The following DPP10 variants were observed in gnomAD, a reference collection of about 807,000 sequenced individuals.
DPP10 encodes the protein inactive dipeptidyl peptidase 10.
DPP10 carries 33 observed loss-of-function variants against 120.9 expected under a neutral mutation model. The observed-to-expected ratio is 0.27, with a 90% CI of 0.21 to 0.37. DPP10 has a LOEUF of 0.37. DPP10 is among the 10% of genes least tolerant of loss of function. DPP10 has a pLI of 1.00. For synonymous variants in DPP10, 337 were observed against 326.1 expected, an observed-to-expected ratio of 1.03 and a Z score of -0.36; for missense variants, 816 against 942.8, an observed-to-expected ratio of 0.87 and a Z score of 1.76.
chr2:115,335,549 A>C (rs1282475062), intron 2 of DPP10, among the ~76,000 whole-genome samples: 2 of 152,032 alleles, frequency 1.3e-5, no homozygotes, highest in African/African-American at 4.8e-5. Context: ...TAAAAAGAAA[A>C]TAAGAATAGA....
At chr2:115,092,036 G>T (rs1709308007) in intron 1 of DPP10, among the ~76,000 whole-genome samples, 3 of 152,152 alleles carry the variant, frequency 2.0e-5, no homozygotes, top group Admixed American at 1.3e-4. Flanking sequence ...AAGGGCTTCA[G>T]TGCATTTTAA....
intron 1 of DPP10, among the ~76,000 whole-genome samples, chr2:114,505,435 G>A (rs1236400562): frequency 6.6e-6 from 1 of 151,628 alleles, no homozygotes; most frequent in Non-Finnish European, 1.5e-5. Context: ...TACAGGGAGA[G>A]CACCTTTCTC....
At chr2:115,095,858 T>C (rs1221898763) in intron 1 of DPP10, among the ~76,000 whole-genome samples, 1 of 152,084 alleles carries the variant, frequency 6.6e-6, no homozygotes, top group African/African-American at 2.4e-5. Flanking sequence ...ACATTTTATA[T>C]GTAGTAGTAT....
chr2:115,719,706 A>C (rs2092596643), intron 7 of DPP10, among the ~76,000 whole-genome samples: 1 of 152,226 alleles, frequency 6.6e-6, no homozygotes, highest in African/African-American at 2.4e-5. Flanking sequence ...AAAAGTCTTT[A>C]TGGTAATATT....
chr2:114,531,031 TGACA>T (rs941696948), intron 1 of DPP10, among the ~76,000 whole-genome samples: 28 of 152,250 alleles, frequency 1.8e-4, no homozygotes, highest in African/African-American at 6.5e-4. Context: ...TTTTGGAAAG[TGACA>T]GACAAAGATG....
chr2:115,734,583 G>C (rs568562908), intron 8 of DPP10, among the ~76,000 whole-genome samples: 3 of 148,172 alleles, frequency 2.0e-5, no homozygotes, highest in Non-Finnish European at 4.4e-5. Flanking sequence ...TTGAACCCTG[G>C]AGGCAGAGGT....
intron 12 of DPP10, among the ~76,000 whole-genome samples, chr2:115,762,841 T>A (rs1006343169): frequency 2.0e-5 from 3 of 152,174 alleles, no homozygotes; most frequent in African/African-American, 7.2e-5. Flanking sequence ...GCTGCCAGGA[T>A]CACTTTTTAA....
intron 21 of DPP10, among the ~76,000 whole-genome samples, chr2:115,818,484 G>A (rs17045094): frequency 0.013 from 1,962 of 152,214 alleles, 45 homozygotes; most frequent in African/African-American, 0.042. Context: ...AACATTCATG[G>A]AAATTTAGAG....
chr2:115,200,834 G>A (rs953206247), intron 1 of DPP10, among the ~76,000 whole-genome samples: 3 of 152,230 alleles, frequency 2.0e-5, no homozygotes, highest in Non-Finnish European at 4.4e-5. Flanking sequence ...AATTTAAACC[G>A]AGGTGCTACT....
At chr2:115,218,587 C>T (rs2056961386) in intron 1 of DPP10, among the ~76,000 whole-genome samples, 1 of 152,058 alleles carries the variant, frequency 6.6e-6, no homozygotes, top group African/African-American at 2.4e-5. Context: ...TGTTCCATTC[C>T]AGTTCATTGC....
In DPP10 at chr2:115,491,525, G is replaced by A. The variant is rs575023034; in HGVS notation, c.272-7985G>A. Among the ~76,000 whole-genome samples the A allele has an allele frequency of 5.9e-5, 9 of 152,134 alleles. No homozygotes were observed. In the South Asian group the frequency reaches 1.9e-3, roughly 32 times the overall value. On this transcript the variant is annotated intron_variant, in intron 3 of 25. Transcript: ENST00000410059. Reference sequence around the variant, plus strand: ...GTTTATGTGTGTGGATAATTTTATGGTGGGCTGGAATGTCTCTGGGAGGAG... The same window carrying A: ...GTTTATGTGTGTGGATAATTTTATGATGGGCTGGAATGTCTCTGGGAGGAG...
intron 1 of DPP10, among the ~76,000 whole-genome samples, chr2:114,906,027 A>T (rs960352211): frequency 4.6e-5 from 7 of 152,058 alleles, no homozygotes; most frequent in African/African-American, 1.7e-4. Context: ...AATGTCTTTT[A>T]TTTTATTTTC....
At chr2:115,281,461 T>G (rs1423678810) in intron 1 of DPP10, among the ~76,000 whole-genome samples, 1 of 152,150 alleles carries the variant, frequency 6.6e-6, no homozygotes, top group Non-Finnish European at 1.5e-5. Context: ...TGGTAATAGA[T>G]GCCAGGTGCA....
At chr2:115,629,433 C>A (rs532066217) in intron 5 of DPP10, among the ~76,000 whole-genome samples, 1 of 152,224 alleles carries the variant, frequency 6.6e-6, no homozygotes, top group South Asian at 2.1e-4. Flanking sequence ...GTCCCACCAA[C>A]AGTGTAAAAG....
At position 115,844,373 on chromosome 2, in the gene DPP10, G is replaced by C. The variant is rs924124408; in HGVS notation, c.*2028G>C. 4 of 151,436 alleles carry C rather than the reference G, an allele frequency of 2.6e-5. No homozygotes were observed. Among genetic ancestry groups the C allele is most frequent in the African/African-American group, 2.4e-5 (1 of 40,976 alleles). The allele number at this position is 151,436 out of a possible 1,614,324, so 9.4% of individuals were successfully genotyped here. ...GCCTTTTACTGTCATCATTTCTCTTGTTTTATTATTATTATCAATGTTTAT... is the reference window on the plus strand; with the variant it reads ...GCCTTTTACTGTCATCATTTCTCTTCTTTTATTATTATTATCAATGTTTAT... On this transcript the variant is annotated 3_prime_UTR_variant, in exon 26 of 26. Coordinates refer to ENST00000410059, the MANE Select transcript of DPP10 (RefSeq NM_020868.6).
intron 5 of DPP10, among the ~76,000 whole-genome samples, chr2:115,658,758 G>A (rs192332555): frequency 8.5e-5 from 13 of 152,146 alleles, no homozygotes; most frequent in African/African-American, 3.1e-4. Flanking sequence ...ATACATGATA[G>A]TCTAAAGCTC....
chr2:115,475,107 C>A (rs887527133), intron 3 of DPP10, among the ~76,000 whole-genome samples: 1 of 152,096 alleles, frequency 6.6e-6, no homozygotes, highest in South Asian at 2.1e-4. Context: ...TGCCAATAGC[C>A]AAGACAATGG....
intron 1 of DPP10, among the ~76,000 whole-genome samples, chr2:114,506,587 C>A (rs1683678038): frequency 2.0e-5 from 3 of 152,158 alleles, no homozygotes; most frequent in Non-Finnish European, 2.9e-5. Context: ...TCTAGGGCTT[C>A]AGGTGTTGCA....
At chr2:115,438,906 A>T (rs1574847938) in intron 3 of DPP10, among the ~76,000 whole-genome samples, 3 of 45,334 alleles carry the variant, frequency 6.6e-5, no homozygotes, top group South Asian at 2.3e-3. Context: ...ATAGTGGCTA[A>T]GATGGTCATG....
Sources: allele counts gnomAD v4.1 joint callset (sites outside exome capture counted in the v4.1 genomes callset), GRCh38; gene constraint gnomAD v4.1.1; transcripts MANE v1.5; gene names NCBI Gene and HGNC (gene_info 2026-07-23, HGNC 2026-07-21).